RTKN2: variants seen among roughly 807,000 people sequenced by gnomAD.
The protein encoded by RTKN2 is rhotekin 2.
Under a neutral mutation model 71.5 loss-of-function variants are expected in RTKN2, and 69 were observed. That is an observed-to-expected ratio of 0.96 (90% CI 0.79 to 1.18). The LOEUF (loss-of-function observed/expected upper bound fraction) is 1.18. Among genes scored for constraint, RTKN2 ranks in the 50% most tolerant of loss-of-function variants. The pLI, the probability that RTKN2 is intolerant of heterozygous loss-of-function variation, is 0.00. For synonymous variants in RTKN2, 236 were observed against 236.5 expected (o/e 1.00, Z 0.02); for missense variants, 724 against 719.7 (o/e 1.01, Z -0.07).
Position 62,185,121 on chromosome 10 carries a change from T to G in RTKN2, c.862-734A>C, listed in dbSNP as rs1841113724. On this transcript the variant is annotated intron_variant, in intron 8 of 8. Transcript: ENST00000315289. The stretch of plus-strand genomic sequence containing the variant: ...AAATTTCTGTTTTCAGTACTAACTT[T>G]AGATGACTCTCCTCTCATGACAGCT... Among the ~76,000 whole-genome samples, 3 of 152,176 alleles carry G rather than the reference T, an allele frequency of 2.0e-5. No individual in the cohort carries two copies. The South Asian group carries it at 6.2e-4, about 32-fold the overall frequency.
downstream of RTKN2, among the ~76,000 whole-genome samples, chr10:62,188,730 T>A (rs879880125): frequency 6.6e-6 from 1 of 151,526 alleles, no homozygotes; most frequent in East Asian, 1.9e-4. Context: ...ATTTTCTATA[T>A]ATATATTTAA....
chr10:62,200,943 A>G (rs1262008239), intron 10 of RTKN2, among the ~76,000 whole-genome samples: 1 of 152,006 alleles, frequency 6.6e-6, no homozygotes, highest in Non-Finnish European at 1.5e-5. Flanking sequence ...ATTAATTTTT[A>G]TTTTAATTAT....
At chr10:62,241,849 C>T (rs943187445) in intron 3 of RTKN2, among the ~76,000 whole-genome samples, 6 of 152,162 alleles carry the variant, frequency 3.9e-5, no homozygotes, top group African/African-American at 1.2e-4. Flanking sequence ...CAGGCATGTG[C>T]CACCACGCCT....
Position 62,262,646 on chromosome 10 carries a change from ATC to A in RTKN2, c.234_235del (p.Gln78HisfsTer9), listed in dbSNP as rs751763136. 6.2e-7 allele frequency: 1 copy of A among 1,607,200 alleles called. No individual in the cohort carries two copies. The highest frequency in any genetic ancestry group is 8.5e-7 in the Non-Finnish European group (1 of 1,176,174). Reference sequence around the variant, plus strand: ...TAACCATCTTCCAGTCTGATTTGCAATCTGTTCTTCTAATTTCTGTAGCTCCG... The same window carrying A: ...TAACCATCTTCCAGTCTGATTTGCAATGTTCTTCTAATTTCTGTAGCTCCG... On this transcript the variant is annotated frameshift_variant, in exon 2 of 12. Coordinates refer to ENST00000373789, the MANE Select transcript of RTKN2 (RefSeq NM_145307.4). LOFTEE classifies it high-confidence loss of function.
At chr10:62,257,541 T>C (rs533518498) in intron 2 of RTKN2, among the ~76,000 whole-genome samples, 1 of 152,284 alleles carries the variant, frequency 6.6e-6, no homozygotes, top group Non-Finnish European at 1.5e-5. Flanking sequence ...GCAAACACAC[T>C]GGAGATGTGA....
chr10:62,189,721 G>T (rs1367084333), downstream of RTKN2, among the ~76,000 whole-genome samples: 2 of 152,174 alleles, frequency 1.3e-5, no homozygotes, highest in African/African-American at 4.8e-5. Flanking sequence ...AGCTACTCGG[G>T]AGGCTGAGGG....
chr10:62,222,135 G>T (rs1841922287), intron 7 of RTKN2, among the ~76,000 whole-genome samples: 1 of 152,120 alleles, frequency 6.6e-6, no homozygotes, highest in Non-Finnish European at 1.5e-5. Context: ...TTGAGACAGG[G>T]TCTCACTCTG....
chr10:62,225,530 TTA>T (rs1190067545), intron 6 of RTKN2, among the ~76,000 whole-genome samples: 2 of 152,258 alleles, frequency 1.3e-5, no homozygotes, highest in Non-Finnish European at 2.9e-5. Context: ...CCAACTTTTT[TTA>T]TTTTTCACAG....
intron 2 of RTKN2, among the ~76,000 whole-genome samples, chr10:62,258,057 T>C (rs1013184291): frequency 2.6e-5 from 4 of 152,206 alleles, no homozygotes; most frequent in Admixed American, 6.5e-5. Flanking sequence ...AACAGTATGG[T>C]AATAGAACAT....
At chr10:62,246,085 A>G in intron 2 of RTKN2, 28 bp from the exon 3 acceptor site, 1 of 1,450,574 alleles carries the variant, frequency 6.9e-7, no homozygotes, top group South Asian at 1.2e-5. Flanking sequence ...CTTATGGAAA[A>G]AAGATCTTTT....
At position 62,194,152 on chromosome 10, in the gene RTKN2, C is replaced by T. The variant is rs1001213208; in HGVS notation, c.*3756G>A. The stretch of plus-strand genomic sequence containing the variant: ...CATATTAAAAAATAAAAATTATAAA[C>T]AAAGCCAATTACACAAGCATGTCAG... On this transcript the variant is annotated 3_prime_UTR_variant, in exon 12 of 12. Coordinates refer to ENST00000373789, the MANE Select transcript of RTKN2 (RefSeq NM_145307.4). 8.2e-6 allele frequency: 8 copies of T among 977,350 alleles called. No individual in the cohort carries two copies. In the Admixed American group the frequency reaches 4.9e-4, roughly 60 times the overall value. 60.5% of individuals were successfully genotyped at this position (977,350 alleles called of 1,614,324 possible). A position where few individuals can be genotyped will look rare whatever the true frequency, so the allele number is the denominator to read the frequency against.
Position 62,223,024 on chromosome 10 carries a change from C to A in RTKN2, c.781+214G>T, listed in dbSNP as rs142841215. ...ACAAGGATTGAGCATACCTGAGACC[C>A]TTCTTTTCCCACTAAGCCTTGCAAG... On this transcript the variant is annotated intron_variant, in intron 7 of 11. Transcript: ENST00000373789. Among the ~76,000 whole-genome samples, 905 of 152,234 alleles carry A rather than the reference C, an allele frequency of 5.9e-3. 5 individuals are homozygous for A. Among genetic ancestry groups the A allele is most frequent in the Non-Finnish European group, 9.0e-3 (611 of 68,004 alleles).
At chr10:62,258,345 G>A (rs1332236436) in intron 2 of RTKN2, among the ~76,000 whole-genome samples, 2 of 152,126 alleles carry the variant, frequency 1.3e-5, no homozygotes, top group East Asian at 1.9e-4. Flanking sequence ...TAATTTCACT[G>A]GATTGAGAAA....
chr10:62,244,420 T>A (rs949632120), intron 3 of RTKN2, among the ~76,000 whole-genome samples: 3 of 152,180 alleles, frequency 2.0e-5, no homozygotes, highest in Non-Finnish European at 2.9e-5. Context: ...TTAAATACTT[T>A]TACTTGAGCC....
chr10:62,215,672 A>G (rs1441136759), intron 9 of RTKN2, among the ~76,000 whole-genome samples: 1 of 152,018 alleles, frequency 6.6e-6, no homozygotes, highest in Non-Finnish European at 1.5e-5. Context: ...ATGGTTCAGA[A>G]AAAAATTTTA....
Position 62,204,268 on chromosome 10 carries a change from G to A in RTKN2, c.1186+589C>T, listed in dbSNP as rs749442992. On this transcript the variant is annotated intron_variant, in intron 10 of 11. Transcript: ENST00000373789. Reference sequence around the variant, plus strand: ...TATTTTCCTGTTGATAAAATTCCTCGAGAAATATTAGAACCTCATATATTT... The same window carrying A: ...TATTTTCCTGTTGATAAAATTCCTCAAGAAATATTAGAACCTCATATATTT... 4.6e-5 allele frequency among the ~76,000 whole-genome samples: 7 copies of A among 152,092 alleles called. No homozygotes were observed. In the South Asian group the frequency reaches 6.2e-4, roughly 14 times the overall value.
intron 9 of RTKN2, chr10:62,215,014 C>T: frequency 8.0e-7 from 1 of 1,248,902 alleles, no homozygotes; most frequent in Non-Finnish European, 1.1e-6. Context: ...GGGCTGTCAT[C>T]CCTGCTTTGC....
chr10:62,266,785 A>T (rs1325613404), intron 1 of RTKN2, among the ~76,000 whole-genome samples: 1 of 152,254 alleles, frequency 6.6e-6, no homozygotes, highest in African/African-American at 2.4e-5. Flanking sequence ...GAGGTTCTCC[A>T]ATTCCAACAG....
chr10:62,243,888 C>T (rs1206655048), intron 3 of RTKN2, among the ~76,000 whole-genome samples: 1 of 152,050 alleles, frequency 6.6e-6, no homozygotes, highest in Non-Finnish European at 1.5e-5. Context: ...AACTAAGGTA[C>T]TTGGTGAACT....
Sources: gnomAD v4.1 joint callset for allele counts (sites outside exome capture counted in the v4.1 genomes callset) on GRCh38, gnomAD v4.1.1 for gene constraint, MANE v1.5 for transcripts, NCBI Gene and HGNC (gene_info 2026-07-23, HGNC 2026-07-21) for gene names.